The following WSCD1 variants were observed in gnomAD, a reference collection of about 807,000 sequenced individuals.
The protein encoded by WSCD1 is WSC domain sialate O sulfotransferase 1, also known as sialate:O-sulfotransferase 1.
In WSCD1, 41 loss-of-function variants were observed where a neutral mutation model predicts 60.4. The observed-to-expected ratio is 0.68, with a 90% confidence interval of 0.53 to 0.88. The LOEUF (loss-of-function observed/expected upper bound fraction) is 0.88, where lower values mean the gene tolerates loss of function less well. Among genes scored for constraint, WSCD1 ranks in the 40% least tolerant of loss-of-function variants. The pLI, the probability that WSCD1 is intolerant of heterozygous loss-of-function variation, is 0.00. For missense variants in WSCD1, 784 were observed against 796.2 expected, an observed-to-expected ratio of 0.98 and a Z score of 0.18; for synonymous variants, 361 against 332.5, an observed-to-expected ratio of 1.09 and a Z score of -0.93.
At position 6,120,852 on chromosome 17, in the gene WSCD1, C is replaced by T. The variant is rs1904650562; in HGVS notation, c.*191C>T. On this transcript the variant is annotated 3_prime_UTR_variant, in exon 9 of 9. Coordinates refer to ENST00000317744, the MANE Select transcript of WSCD1 (RefSeq NM_015253.2). The stretch of plus-strand genomic sequence containing the variant: ...ACATCACAAGGCGAACACAAATGGA[C>T]ACACATACCTGGCCACGAACCCACA... 1 of 627,638 alleles carries T rather than the reference C, an allele frequency of 1.6e-6. No homozygotes were observed. The highest frequency in any genetic ancestry group is 2.7e-6 in the Non-Finnish European group (1 of 365,812). 38.9% of individuals were successfully genotyped at this position (627,638 alleles called of 1,614,324 possible). A position where few individuals can be genotyped will look rare whatever the true frequency, so the allele number is the denominator to read the frequency against.
chr17:6,099,245 G>A (rs1033121698), intron 5 of WSCD1, among the ~76,000 whole-genome samples: 1 of 152,026 alleles, frequency 6.6e-6, no homozygotes, highest in Admixed American at 6.6e-5. Flanking sequence ...GGCCAGGCAC[G>A]GTGGCTCATG....
intron 2 of WSCD1, 133 bp from the exon 3 acceptor site, chr17:6,087,857 G>GCCTGCA: frequency 1.5e-6 from 1 of 649,184 alleles, no homozygotes; most frequent in South Asian, 1.9e-5. Context: ...GAGGGAGGTA[G>GCCTGCA]CCTGCAGCAC....
intron 2 of WSCD1, chr17:6,084,946 G>C (rs1909530519): frequency 6.6e-6 from 1 of 152,152 alleles, no homozygotes; most frequent in African/African-American, 2.4e-5. Context: ...CACTGAGACG[G>C]GGCCAGCCAG....
At position 6,105,988 on chromosome 17, in the gene WSCD1, G is replaced by C. The variant is rs762614341; in HGVS notation, c.850-3619G>C. On this transcript the variant is annotated intron_variant, in intron 5 of 8. Transcript: ENST00000317744. Reference sequence around the variant, plus strand: ...TCAAGTTAGTTTCCAGCAGCTTCTGGTGCAATTGGGATTTGGAAGGGACAT... The same window carrying C: ...TCAAGTTAGTTTCCAGCAGCTTCTGCTGCAATTGGGATTTGGAAGGGACAT... 5.3e-4 allele frequency among the ~76,000 whole-genome samples: 81 copies of C among 152,274 alleles called. 1 individual carries two copies. Among genetic ancestry groups the C allele is most frequent in the Admixed American group, 4.4e-3 (68 of 15,290 alleles).
intron 1 of WSCD1, among the ~76,000 whole-genome samples, chr17:6,073,423 A>G (rs892818678): frequency 3.9e-5 from 6 of 152,180 alleles, no homozygotes; most frequent in Non-Finnish European, 5.9e-5. Context: ...TGAGTCCAGG[A>G]GTTTGAGACC....
intron 4 of WSCD1, among the ~76,000 whole-genome samples, chr17:6,092,872 G>T (rs1447321299): frequency 6.6e-6 from 1 of 152,194 alleles, no homozygotes. Context: ...GTTGAAGATG[G>T]TGTCCTAGCT....
intron 8 of WSCD1, among the ~76,000 whole-genome samples, chr17:6,119,243 A>G (rs1035870259): frequency 1.7e-4 from 26 of 152,324 alleles, no homozygotes; most frequent in African/African-American, 6.0e-4. Flanking sequence ...TCTGGGTCAG[A>G]TTGGCCTGTT....
At chr17:6,109,808 G>C in intron 6 of WSCD1, 42 bp downstream of exon 6, 2 of 1,592,998 alleles carry the variant, frequency 1.3e-6, no homozygotes, top group Non-Finnish European at 1.7e-6. Flanking sequence ...TTTGGTCTGG[G>C]GGGTGGGGAG....
intron 3 of WSCD1, 116 bp downstream of exon 3, chr17:6,088,220 T>G: frequency 2.4e-6 from 2 of 834,596 alleles, no homozygotes; most frequent in Non-Finnish European, 1.9e-6. Flanking sequence ...TGGAACTCAC[T>G]GCTCAGATCC....
intron 5 of WSCD1, among the ~76,000 whole-genome samples, chr17:6,100,313 C>A (rs1910724514): frequency 6.6e-6 from 1 of 152,166 alleles, no homozygotes; most frequent in Non-Finnish European, 1.5e-5. Flanking sequence ...TCAGGGGTAC[C>A]CTCAGAGATG....
chr17:6,113,831 C>CA (rs1296494398), intron 7 of WSCD1, among the ~76,000 whole-genome samples: 1 of 151,870 alleles, frequency 6.6e-6, no homozygotes, highest in Non-Finnish European at 1.5e-5. Context: ...ATCAAAAAGA[C>CA]AAAAAATAAC....
chr17:6,103,553 A>G (rs908359921), intron 5 of WSCD1, among the ~76,000 whole-genome samples: 6 of 152,314 alleles, frequency 3.9e-5, no homozygotes, highest in East Asian at 3.9e-4. Flanking sequence ...TCAGAGAGCC[A>G]TCTGCCCCTG....
At position 6,097,207 on chromosome 17, in the gene WSCD1, CGGA is replaced by C. The variant is rs559518689; in HGVS notation, c.849+1986_849+1988del. 5.3e-5 allele frequency among the ~76,000 whole-genome samples: 8 copies of C among 152,278 alleles called. No homozygotes were observed. In the East Asian group the frequency reaches 1.5e-3, roughly 29 times the overall value. Reference sequence around the variant, plus strand: ...TCGGCGTTATGGAAGGGGGAAGAGACGGAGAAGATGAGGAGGAAGAGAAGGGAA... The same window carrying C: ...TCGGCGTTATGGAAGGGGGAAGAGACGAAGATGAGGAGGAAGAGAAGGGAA... On this transcript the variant is annotated intron_variant, in intron 5 of 8. Transcript: ENST00000317744.
chr17:6,098,459 G>T (rs2150554385), intron 5 of WSCD1, among the ~76,000 whole-genome samples: 2 of 152,288 alleles, frequency 1.3e-5, no homozygotes, highest in Middle Eastern at 6.8e-3. Context: ...TTAGCACCTT[G>T]TCCATCTCCC....
At position 6,084,976 on chromosome 17, in the gene WSCD1, G is replaced by A. The variant is rs531583095; in HGVS notation, c.428-3014G>A. ...AGCCAGGCCCGGGCTCGCCCTCCACGCCGGTGAGCTCCATCAAATGGCCAG... is the reference window on the plus strand; with the variant it reads ...AGCCAGGCCCGGGCTCGCCCTCCACACCGGTGAGCTCCATCAAATGGCCAG... On this transcript the variant is annotated intron_variant, in intron 2 of 8. Coordinates refer to ENST00000317744, the MANE Select transcript of WSCD1 (RefSeq NM_015253.2). 5.3e-5 allele frequency: 8 copies of A among 152,226 alleles called. No individual in the cohort carries two copies. The East Asian group carries it at 1.5e-3, about 29-fold the overall frequency. 9.4% of individuals were successfully genotyped at this position (152,226 alleles called of 1,614,324 possible).
At chr17:6,108,030 T>C (rs1052798193) in intron 5 of WSCD1, among the ~76,000 whole-genome samples, 1 of 152,132 alleles carries the variant, frequency 6.6e-6, no homozygotes. Flanking sequence ...CCTTGGGGGC[T>C]GCTTGGCACC....
intron 2 of WSCD1, among the ~76,000 whole-genome samples, chr17:6,082,291 G>A (rs1311868356): frequency 3.3e-5 from 5 of 152,250 alleles, no homozygotes; most frequent in Middle Eastern, 3.4e-3. Context: ...TAGTGGGGGC[G>A]CGGGAAGTGG....
intron 5 of WSCD1, among the ~76,000 whole-genome samples, chr17:6,100,658 T>C (rs1030482937): frequency 6.6e-6 from 1 of 152,230 alleles, no homozygotes; most frequent in East Asian, 1.9e-4. Context: ...ATATTACTCA[T>C]GTTGGGATCT....
At position 6,090,414 on chromosome 17, in the gene WSCD1, T is replaced by A. The variant is rs1215942292; in HGVS notation, c.636T>A (p.His212Gln). The change falls in exon 4 of 9, where the codon CAT becomes CAA. Residue 212 changes from histidine (H) to glutamine (Q), a missense_variant. Physicochemically the swap from His to Gln is conservative, Grantham distance 24. Transcript: ENST00000317744. ...GCGTGGGGCTGGAAGAGTGTAACCA[T>A]GAGTGCAAAGGCGAGAAGGGCTCTG... Reference protein sequence around the residue: ...AVSVGLEECNHECKGEKGSVC... With the variant: ...AVSVGLEECNQECKGEKGSVC... The A allele has an allele frequency of 6.2e-7, 1 of 1,612,270 alleles. No homozygotes were observed. The highest frequency in any genetic ancestry group is 2.2e-5 in the East Asian group (1 of 44,718).
Sources: allele counts gnomAD v4.1 joint callset (sites outside exome capture counted in the v4.1 genomes callset), GRCh38; gene constraint gnomAD v4.1.1; transcripts MANE v1.5; gene names NCBI Gene and HGNC (gene_info 2026-07-23, HGNC 2026-07-21).